Variants in VIRMA observed in about 807,000 individuals in gnomAD.
VIRMA encodes vir like m6A methyltransferase associated.
VIRMA carries 65 observed loss-of-function variants against 182.4 expected under a neutral mutation model. The ratio of observed to expected loss-of-function variants is 0.36; its 90% CI spans 0.29 to 0.44. The LOEUF (loss-of-function observed/expected upper bound fraction) is 0.44. VIRMA is among the 20% of genes least tolerant of loss of function. The probability of loss-of-function intolerance (pLI) is 1.00; values close to 1 mark genes in which losing one functional copy is unlikely to be tolerated. For synonymous variants in VIRMA, 709 were observed against 743.1 expected (o/e 0.95, Z 0.75); for missense variants, 1,752 against 2,158.1 (o/e 0.81, Z 3.73).
intron 10 of VIRMA, among the ~76,000 whole-genome samples, chr8:94,517,310 C>A (rs1814593265): frequency 6.6e-6 from 1 of 152,232 alleles, no homozygotes; most frequent in Non-Finnish European, 1.5e-5. Flanking sequence ...TCAAGCAATT[C>A]TCTTGCCTCA....
chr8:94,547,596 T>C (rs1466682242), intron 1 of VIRMA, among the ~76,000 whole-genome samples: 1 of 150,890 alleles, frequency 6.6e-6, no homozygotes, highest in East Asian at 1.9e-4. Flanking sequence ...AAATACAGGA[T>C]TTTCCAGTAT....
chr8:94,526,103 T>C (rs1563472164), intron 8 of VIRMA, 120 bp downstream of exon 8: 7 of 718,014 alleles, frequency 9.7e-6, no homozygotes, highest in East Asian at 5.3e-5. Context: ...CGTTTTGAAA[T>C]ATCAAGTATC....
intron 16 of VIRMA, among the ~76,000 whole-genome samples, chr8:94,505,354 G>C (rs1452395633): frequency 6.6e-6 from 1 of 151,658 alleles, no homozygotes; most frequent in Non-Finnish European, 1.5e-5. Context: ...ATAAATATAA[G>C]TACTAGCCAG....
rs1586107451 is a variant in VIRMA, at chr8:94,538,322, T to C, written c.204A>G (p.Gln68=). 6.2e-7 allele frequency: 1 copy of C among 1,612,202 alleles called. No homozygotes were observed. Among genetic ancestry groups the C allele is most frequent in the East Asian group, 2.2e-5 (1 of 44,798 alleles). ...AYGETSPHTF[Q]LDLFFNNVSK... is the part of the protein sequence containing the mutation. ...TTACATTGTTGAAGAATAAGTCTAA[T>C]TGAAATGTATGGGGAGATGTCTCTC... is the stretch of plus-strand genomic sequence containing the variant. The change falls in exon 3 of 24, where the codon CAA becomes CAG. Residue 68 remains glutamine (Q), a synonymous_variant. Coordinates refer to ENST00000297591, the MANE Select transcript of VIRMA (RefSeq NM_015496.5).
intron 15 of VIRMA, among the ~76,000 whole-genome samples, 153 bp from the exon 16 acceptor site, chr8:94,506,870 A>T (rs1038598036): frequency 1.3e-5 from 2 of 152,236 alleles, no homozygotes; most frequent in African/African-American, 4.8e-5. Context: ...CACATTAAGA[A>T]TAATGAAATT....
chr8:94,511,884 GAT>G (rs1814392196), intron 12 of VIRMA, 110 bp downstream of exon 12: 1 of 673,132 alleles, frequency 1.5e-6, no homozygotes, highest in Non-Finnish European at 2.1e-6. Flanking sequence ...AATTTAAAAT[GAT>G]ATTTTTCATT....
chr8:94,531,154 A>G, intron 5 of VIRMA, 69 bp from the exon 6 acceptor site: 1 of 1,449,694 alleles, frequency 6.9e-7, no homozygotes. Context: ...CATGGCTTTG[A>G]ACTGTGTGGG....
In VIRMA at chr8:94,490,213, T is replaced by C. The variant is rs756060491; in HGVS notation, c.5141-131A>G. 2.7e-4 allele frequency: 263 copies of C among 976,942 alleles called. 1 individual carries two copies. The highest frequency in any genetic ancestry group is 3.6e-4 in the Non-Finnish European group (245 of 675,004). 60.5% of individuals were successfully genotyped at this position (976,942 alleles called of 1,614,324 possible). The stretch of plus-strand genomic sequence containing the variant: ...AATTCTGCAAACTGACTGTACTATA[T>C]AGTGGCAACATCACAGTGGTTAAGA... On this transcript the variant is annotated intron_variant, in intron 22 of 23. Transcript: ENST00000297591.
intron 10 of VIRMA, among the ~76,000 whole-genome samples, 181 bp from the exon 11 acceptor site, chr8:94,515,132 G>A (rs1446659794): frequency 4.1e-5 from 6 of 144,860 alleles, no homozygotes; most frequent in Non-Finnish European, 7.5e-5. Context: ...TTTCGCTCTT[G>A]TTGCACAGGC....
chr8:94,552,411 A>C (rs1816022501), intron 1 of VIRMA, among the ~76,000 whole-genome samples: 1 of 152,222 alleles, frequency 6.6e-6, no homozygotes, highest in Non-Finnish European at 1.5e-5. Context: ...TGTCCTAGGC[A>C]CTGGAGATAC....
chr8:94,527,416 A>G (rs1815012831), intron 7 of VIRMA, 53 bp from the exon 8 acceptor site: 1 of 1,068,044 alleles, frequency 9.4e-7, no homozygotes, highest in Admixed American at 2.8e-5. Flanking sequence ...TGTCTAATAC[A>G]TAAATTCTGA....
intron 13 of VIRMA, 23 bp from the exon 14 acceptor site, chr8:94,510,675 G>A (rs768001141): frequency 6.6e-7 from 1 of 1,510,960 alleles, no homozygotes; most frequent in Non-Finnish European, 9.2e-7. Flanking sequence ...TATAATGTGT[G>A]TGTACGTAGA....
chr8:94,498,974 A>C (rs1813879076), intron 17 of VIRMA: 1 of 152,766 alleles, frequency 6.5e-6, no homozygotes, highest in African/African-American at 2.4e-5. Context: ...CCAGCTACTC[A>C]GGAGACTGAG....
Position 94,526,746 on chromosome 8 carries a change from T to G in VIRMA, c.1498A>C (p.Lys500Gln). Residue 500 changes from lysine (K) to glutamine (Q), a missense_variant, in exon 8 of 24, where the codon AAG (lysine) becomes CAG (glutamine). Coordinates refer to ENST00000297591, the MANE Select transcript of VIRMA (RefSeq NM_015496.5). ...LFADHVSSSL[K>Q]LNAFKALDSV... ...TCCAAAGCTTTAAAAGCATTTAACT[T>G]AAGAGAAGATGATACGTGATCAGCA... The G allele has an allele frequency of 1.2e-6, 2 of 1,613,980 alleles. No homozygotes were observed. Among genetic ancestry groups the G allele is most frequent in the Non-Finnish European group, 1.7e-6 (2 of 1,180,020 alleles).
chr8:94,511,348 T>C lies in VIRMA; in HGVS notation c.3227A>G (p.Asn1076Ser). ...DILLTFTQGV[N>S]EKLTISEETL... ...CTCTTCTGAGATTGTGAGTTTTTCA[T>C]TAACTCCTTGTGTAAAAGTCAGTAA... The change falls in exon 13 of 24, where the codon AAT (asparagine) becomes AGT (serine). Residue 1076 changes from asparagine to serine, a missense_variant. By Grantham distance (46) the Asn-to-Ser change is conservative (BLOSUM62 1). This residue lies in a region of VIRMA where 777 missense variants were observed against 920.6 expected (regional missense o/e 0.84). Coordinates refer to ENST00000297591, the MANE Select transcript of VIRMA (RefSeq NM_015496.5). The C allele has an allele frequency of 1.9e-6, 3 of 1,613,930 alleles. No homozygotes were observed. Among genetic ancestry groups the C allele is most frequent in the Non-Finnish European group, 2.5e-6 (3 of 1,179,952 alleles).
chr8:94,532,146 G>A (rs778874945), intron 5 of VIRMA, among the ~76,000 whole-genome samples: 25 of 152,030 alleles, frequency 1.6e-4, no homozygotes, highest in Non-Finnish European at 8.8e-5. Flanking sequence ...TTGCTCTTTC[G>A]CCCAGGCTGG....
At chr8:94,509,401 CAA>C (rs113098045) in intron 15 of VIRMA, among the ~76,000 whole-genome samples, 7 of 108,940 alleles carry the variant, frequency 6.4e-5, no homozygotes, top group Non-Finnish European at 7.7e-5. Flanking sequence ...GACCCCATCT[CAA>C]AAAAAAAAAA....
chr8:94,507,882 CATGTATAT>C (rs1160934651), intron 15 of VIRMA, among the ~76,000 whole-genome samples: 1 of 112,424 alleles, frequency 8.9e-6, no homozygotes, highest in Non-Finnish European at 2.1e-5. Flanking sequence ...TATATATATA[CATGTATAT>C]ATGTATATAT....
rs1457012807 is a variant in VIRMA at position 94,517,879 on chromosome 8, A to T, written c.2577T>A (p.Val859=). Residue 859 remains valine (V), a synonymous_variant, in exon 10 of 24, where the codon GTT becomes GTA. Transcript: ENST00000297591. The part of the protein sequence containing the change: ...NYACILILVV[V]QSSSDVQMLE... Reference sequence around the variant, plus strand: ...GCATTTGAACATCACTGGAAGACTGAACCACCACCAAAATAAGTATGCATG... The same window carrying T: ...GCATTTGAACATCACTGGAAGACTGTACCACCACCAAAATAAGTATGCATG... 1 of 1,612,336 alleles carries T rather than the reference A, an allele frequency of 6.2e-7. No homozygotes were observed. Among genetic ancestry groups the T allele is most frequent in the Middle Eastern group, 1.7e-4 (1 of 6,056 alleles).
Sources: gnomAD v4.1 joint callset for allele counts (sites outside exome capture counted in the v4.1 genomes callset) on GRCh38, gnomAD v4.1.1 for gene constraint, gnomAD v4.1.1 regional missense constraint, MANE v1.5 for transcripts, NCBI Gene and HGNC (gene_info 2026-07-23, HGNC 2026-07-21) for gene names.